The following DACH1 variants were observed in gnomAD, a reference collection of about 807,000 sequenced individuals.
The protein encoded by DACH1 is dachshund homolog 1.
DACH1 carries 12 observed loss-of-function variants against 54.2 expected under a neutral mutation model. The ratio of observed to expected loss-of-function variants is 0.22; its 90% confidence interval spans 0.14 to 0.36. DACH1 has a LOEUF of 0.36. Among genes scored for constraint, DACH1 ranks in the 10% least tolerant of loss-of-function variants. The pLI is 1.00. For missense variants in DACH1, 805 were observed against 929.8 expected, an observed-to-expected ratio of 0.87 and a Z score of 1.75; for synonymous variants, 386 against 366.2, an observed-to-expected ratio of 1.05 and a Z score of -0.62.
chr13:71,732,605 T>G (rs888791340), intron 1 of DACH1, among the ~76,000 whole-genome samples: 20 of 141,882 alleles, frequency 1.4e-4, no homozygotes, highest in African/African-American at 5.3e-4. Context: ...AAAAAAAAAG[T>G]CACCAATTGG....
chr13:71,755,132 C>T (rs897468985), intron 1 of DACH1, among the ~76,000 whole-genome samples: 41 of 152,096 alleles, frequency 2.7e-4, no homozygotes, highest in African/African-American at 9.9e-4. Context: ...TAGCAGTGTT[C>T]AACAGAGTTG....
chr13:71,515,017 T>A (rs1566309470), intron 6 of DACH1, among the ~76,000 whole-genome samples: 1 of 151,910 alleles, frequency 6.6e-6, no homozygotes, highest in Non-Finnish European at 1.5e-5. Context: ...TAGGTTTTTT[T>A]ATTTGATTTT....
At chr13:71,609,528 C>G (rs538332357) in intron 3 of DACH1, among the ~76,000 whole-genome samples, 3 of 148,640 alleles carry the variant, frequency 2.0e-5, no homozygotes, top group South Asian at 2.1e-4. Flanking sequence ...AAGTTAAAAC[C>G]CTTAGAAGTT....
intron 2 of DACH1, among the ~76,000 whole-genome samples, chr13:71,677,457 C>A (rs1361442117): frequency 6.6e-6 from 1 of 152,080 alleles, no homozygotes; most frequent in Non-Finnish European, 1.5e-5. Context: ...CTCAAGCAGC[C>A]AAAATAACAC....
chr13:71,841,425 A>G (rs1035914454), intron 1 of DACH1, among the ~76,000 whole-genome samples: 17 of 152,274 alleles, frequency 1.1e-4, no homozygotes, highest in Middle Eastern at 3.4e-3. Flanking sequence ...AATAAGGAAT[A>G]AATTCCTTAT....
intron 1 of DACH1, among the ~76,000 whole-genome samples, chr13:71,810,170 C>T (rs566309802): frequency 1.5e-4 from 23 of 152,104 alleles, no homozygotes; most frequent in African/African-American, 2.7e-4. Context: ...AAATACCAGG[C>T]GCTGTACTAG....
intron 6 of DACH1, among the ~76,000 whole-genome samples, chr13:71,530,949 G>A (rs1024874344): frequency 5.3e-5 from 8 of 151,896 alleles, no homozygotes; most frequent in East Asian, 1.9e-4. Context: ...ATCATCTCCC[G>A]GCTTATTTTT....
chr13:71,824,246 T>C (rs2138190116), intron 1 of DACH1, among the ~76,000 whole-genome samples: 1 of 151,958 alleles, frequency 6.6e-6, no homozygotes, highest in African/African-American at 2.4e-5. Context: ...ATTGGTATTA[T>C]TATTATTTAA....
At chr13:71,717,684 G>GA (rs775453524) in intron 1 of DACH1, among the ~76,000 whole-genome samples, 2 of 149,832 alleles carry the variant, frequency 1.3e-5, no homozygotes, top group African/African-American at 2.4e-5. Context: ...AAAGTCGATG[G>GA]AAAAAAAAAT....
chr13:71,496,463 T>C (rs531329413), intron 6 of DACH1, among the ~76,000 whole-genome samples: 10 of 151,604 alleles, frequency 6.6e-5, no homozygotes, highest in African/African-American at 2.2e-4. Flanking sequence ...AAGTCAGTTA[T>C]AGAAAGATGA....
chr13:71,610,399 G>C (rs991757106), intron 3 of DACH1, among the ~76,000 whole-genome samples: 1 of 152,056 alleles, frequency 6.6e-6, no homozygotes, highest in Non-Finnish European at 1.5e-5. Flanking sequence ...TCTACCCCTC[G>C]TTCAAGCAAA....
chr13:71,660,335 G>A (rs1879407616), intron 2 of DACH1, among the ~76,000 whole-genome samples: 1 of 151,902 alleles, frequency 6.6e-6, no homozygotes, highest in Non-Finnish European at 1.5e-5. Context: ...TATATACAAG[G>A]GTTTTGAACA....
At position 71,551,659 on chromosome 13, in the gene DACH1, T is replaced by C. The variant is rs189999275; in HGVS notation, c.1570+5365A>G. 6.9e-3 allele frequency among the ~76,000 whole-genome samples: 1,049 copies of C among 152,262 alleles called. 6 individuals carry two copies. Among genetic ancestry groups the C allele is most frequent in the Middle Eastern group, 0.014 (4 of 294 alleles). On this transcript the variant is annotated intron_variant, in intron 6 of 10. Coordinates refer to ENST00000613252, the MANE Select transcript of DACH1 (RefSeq NM_080759.6). ...GATTTAAGTTAGGATTTTTAAACAA[T>C]GAGAACTGCACAAATAAAAATATAT...
At chr13:71,764,249 A>G (rs528878153) in intron 1 of DACH1, among the ~76,000 whole-genome samples, 32 of 152,150 alleles carry the variant, frequency 2.1e-4, no homozygotes, top group Non-Finnish European at 4.0e-4. Context: ...AATACAGTAC[A>G]GTTAACCGGG....
chr13:71,798,472 G>C (rs957703627), intron 1 of DACH1, among the ~76,000 whole-genome samples: 1 of 150,388 alleles, frequency 6.6e-6, no homozygotes, highest in Non-Finnish European at 1.5e-5. Flanking sequence ...CCATAATTTC[G>C]TCTAAAACCA....
intron 1 of DACH1, among the ~76,000 whole-genome samples, chr13:71,844,233 T>G (rs1254295680): frequency 6.6e-6 from 1 of 152,186 alleles, no homozygotes; most frequent in Non-Finnish European, 1.5e-5. Context: ...GAGGTTTCCA[T>G]GAATTTACTT....
chr13:71,709,191 T>A (rs1882595949), intron 1 of DACH1, among the ~76,000 whole-genome samples: 1 of 152,058 alleles, frequency 6.6e-6, no homozygotes, highest in Non-Finnish European at 1.5e-5. Flanking sequence ...TAGCCAAACT[T>A]AACTTATATA....
intron 3 of DACH1, among the ~76,000 whole-genome samples, chr13:71,590,611 C>T (rs1873629246): frequency 1.3e-5 from 2 of 152,090 alleles, no homozygotes; most frequent in South Asian, 2.1e-4. Flanking sequence ...CAGAGATGTC[C>T]CTTACAAAAT....
chr13:71,474,933 T>A (rs1877383888), intron 10 of DACH1, among the ~76,000 whole-genome samples: 1 of 152,210 alleles, frequency 6.6e-6, no homozygotes, highest in African/African-American at 2.4e-5. Context: ...TTAATTGCAT[T>A]GTATAAACAG....
Sources: allele counts gnomAD v4.1 joint callset (sites outside exome capture counted in the v4.1 genomes callset), GRCh38; gene constraint gnomAD v4.1.1; transcripts MANE v1.5; gene names NCBI Gene and HGNC (gene_info 2026-07-23, HGNC 2026-07-21).